FLNB: variants seen among roughly 807,000 people sequenced by gnomAD.
The protein encoded by FLNB is filamin B.
FLNB carries 111 observed loss-of-function variants against 250.6 expected under a neutral mutation model. The ratio of observed to expected loss-of-function variants is 0.44; its 90% CI spans 0.38 to 0.52. The LOEUF is 0.52. Ranked by LOEUF, FLNB falls within the 20% of genes least tolerant of loss-of-function variation. FLNB has a pLI of 0.00. For synonymous variants in FLNB, 1,302 were observed against 1,372.1 expected (o/e 0.95, Z 1.13); for missense variants, 2,869 against 3,447.8 (o/e 0.83, Z 4.20).
intron 1 of FLNB, among the ~76,000 whole-genome samples, chr3:58,014,747 G>A (rs1450162969): frequency 6.6e-6 from 1 of 151,550 alleles, no homozygotes; most frequent in African/African-American, 2.4e-5. Context: ...CTTTTTTTTT[G>A]AGATGGAGTC....
At chr3:58,086,309 G>A (rs1016313504) in intron 4 of FLNB, among the ~76,000 whole-genome samples, 3 of 151,900 alleles carry the variant, frequency 2.0e-5, no homozygotes, top group African/African-American at 7.3e-5. Flanking sequence ...GCTATTAGGT[G>A]TATGTTTAAA....
chr3:58,133,040 C>T lies in FLNB; in HGVS notation c.4514+109C>T, dbSNP rs562094598. On this transcript the variant is annotated intron_variant, in intron 26 of 45. Coordinates refer to ENST00000295956, the MANE Select transcript of FLNB (RefSeq NM_001457.4). ...CCGTTCCTCCATCATTCCATCCATCCACTCATCCATTCCTCCATCAGTCCA... is the reference window on the plus strand; with the variant it reads ...CCGTTCCTCCATCATTCCATCCATCTACTCATCCATTCCTCCATCAGTCCA... The T allele has an allele frequency of 1.8e-4, 221 of 1,245,340 alleles. 1 individual carries two copies. The highest frequency in any genetic ancestry group is 4.5e-5 in the African/African-American group (3 of 66,536). The allele number at this position is 1,245,340 out of a possible 1,614,324, so 77.1% of individuals were successfully genotyped here.
intron 38 of FLNB, chr3:58,152,758 C>A: frequency 7.5e-7 from 1 of 1,338,238 alleles, no homozygotes; most frequent in Non-Finnish European, 9.9e-7. Context: ...CTGGAGGGTG[C>A]AGTTTCATAC....
At chr3:58,147,058 C>T in intron 34 of FLNB, 65 bp downstream of exon 34, 2 of 1,511,412 alleles carry the variant, frequency 1.3e-6, no homozygotes, top group Admixed American at 3.4e-5. Flanking sequence ...CTGCCACCCT[C>T]CTTATCAGAC....
rs1576685486 is a variant in FLNB at position 58,082,775 on chromosome 3, A to G, written c.787+999A>G. ...GACAGAGTGCGTGAGCCTCCGTCTC[A>G]AAAAAAAAAAACGAGAAAGAAAATG... On this transcript the variant is annotated intron_variant, in intron 4 of 45. Transcript: ENST00000295956. Among the ~76,000 whole-genome samples, 3 of 46,788 alleles carry G rather than the reference A, an allele frequency of 6.4e-5. No individual in the cohort carries two copies. In the South Asian group the frequency reaches 3.5e-3, roughly 54 times the overall value. The allele number at this position is 46,788 out of a possible 152,430, so 30.7% of individuals were successfully genotyped here.
At position 58,109,706 on chromosome 3, in the gene FLNB, A is replaced by G; in HGVS notation, c.2323+7A>G. 6.2e-7 allele frequency: 1 copy of G among 1,614,078 alleles called. No individual in the cohort carries two copies. The highest frequency in any genetic ancestry group is 8.5e-7 in the Non-Finnish European group (1 of 1,180,012). ...TGTACTGAGGCTGGGGAAGGTGAGAAAGGGCTTTGTTCAACCCAGTGATCA... is the reference window on the plus strand; with the variant it reads ...TGTACTGAGGCTGGGGAAGGTGAGAGAGGGCTTTGTTCAACCCAGTGATCA... On this transcript the variant is annotated splice_region_variant and intron_variant, in intron 15 of 45. Coordinates refer to ENST00000295956, the MANE Select transcript of FLNB (RefSeq NM_001457.4).
In FLNB at chr3:58,153,639, C is replaced by T. The variant is rs2107289522; in HGVS notation, c.6632C>T (p.Pro2211Leu). Residue 2211 changes from proline (P) to leucine (L), a missense_variant and splice_region_variant, in exon 39 of 46, where the codon CCA becomes CTA. Transcript: ENST00000295956. Reference protein sequence around the residue: ...PGLERGEAGVPAEFSIWTREA... With the variant: ...PGLERGEAGVLAEFSIWTREA... ...CTGGAGAGAGGAGAAGCGGGAGTCC[C>T]AGGTGAGCATTGCGGGCAGGATTTT... The T allele has an allele frequency of 6.2e-7, 1 of 1,613,986 alleles. No individual in the cohort carries two copies. The highest frequency in any genetic ancestry group is 8.5e-7 in the Non-Finnish European group (1 of 1,179,980).
chr3:58,089,484 T>TGCAGTGAGCTGAGGTC (rs2097222664), intron 4 of FLNB, among the ~76,000 whole-genome samples: 1 of 148,224 alleles, frequency 6.7e-6, no homozygotes, highest in Non-Finnish European at 1.5e-5. Context: ...AGGTGGAGGT[T>TGCAGTGAGCTGAGGTC]GCAGTGAGCT....
At chr3:58,073,450 C>A (rs1376205411) in intron 1 of FLNB, among the ~76,000 whole-genome samples, 1 of 152,130 alleles carries the variant, frequency 6.6e-6, no homozygotes. Flanking sequence ...TTATGCAGAC[C>A]ATTGCTCCTT....
At chr3:58,103,922 G>T (rs994265776) in intron 9 of FLNB, 37 bp from the exon 10 acceptor site, 2 of 1,613,386 alleles carry the variant, frequency 1.2e-6, no homozygotes, top group African/African-American at 2.7e-5. Flanking sequence ...TTGGGCCTAG[G>T]ATTGTGTTGG....
chr3:58,136,805 G>A (rs970593114), intron 28 of FLNB, among the ~76,000 whole-genome samples: 55 of 132,366 alleles, frequency 4.2e-4, no homozygotes, highest in Non-Finnish European at 7.5e-4. Context: ...AGGCTGGAGT[G>A]CAGTGACGCA....
chr3:58,098,408 G>A (rs766722443), intron 7 of FLNB, among the ~76,000 whole-genome samples: 3 of 152,168 alleles, frequency 2.0e-5, no homozygotes, highest in Non-Finnish European at 4.4e-5. Context: ...TTGGCTCAAC[G>A]CAACCTCCGC....
chr3:58,140,853 C>T (rs1007986511), intron 29 of FLNB, among the ~76,000 whole-genome samples: 5 of 152,234 alleles, frequency 3.3e-5, no homozygotes, highest in African/African-American at 1.2e-4. Context: ...GATCCACCTG[C>T]CTTGGCCTCC....
intron 2 of FLNB, 75 bp downstream of exon 2, chr3:58,077,369 G>C: frequency 6.5e-7 from 1 of 1,532,938 alleles, no homozygotes. Context: ...GGTTTTCAAC[G>C]GGAATGCTAT....
chr3:58,132,774 G>A (rs754152210), intron 25 of FLNB, 34 bp from the exon 26 acceptor site: 9 of 1,614,004 alleles, frequency 5.6e-6, no homozygotes, highest in Middle Eastern at 1.7e-4. Context: ...GGTGAGGCCA[G>A]GCAGCTCCTT....
At chr3:58,035,937 C>T (rs1462877014) in intron 1 of FLNB, among the ~76,000 whole-genome samples, 1 of 152,134 alleles carries the variant, frequency 6.6e-6, no homozygotes, top group African/African-American at 2.4e-5. Flanking sequence ...CAAATGAGAC[C>T]ATCCTTCTCT....
At position 58,152,636 on chromosome 3, in the gene FLNB, G is replaced by C. The variant is rs139888044; in HGVS notation, c.6368-739G>C. 4.9e-6 allele frequency: 3 copies of C among 609,004 alleles called. No homozygotes were observed. The African/African-American group carries it at 5.7e-5, about 12-fold the overall frequency. 37.7% of individuals were successfully genotyped at this position (609,004 alleles called of 1,614,324 possible). A position where few individuals can be genotyped will look rare whatever the true frequency, so the allele number is the denominator to read the frequency against. On this transcript the variant is annotated intron_variant, in intron 38 of 45. Transcript: ENST00000295956. ...GTAGGGTTTCAATATTTGAATTTTG[G>C]AGGGACACAAACATTCAGTTCATTA...
chr3:58,081,559 C>T, intron 3 of FLNB, 70 bp from the exon 4 acceptor site: 2 of 1,417,584 alleles, frequency 1.4e-6, no homozygotes, highest in Non-Finnish European at 2.0e-6. Context: ...GTTTAAGAGG[C>T]ATTTGCAAAC....
intron 45 of FLNB, among the ~76,000 whole-genome samples, chr3:58,170,203 CAAG>C (rs1205802258): frequency 2.0e-5 from 3 of 152,160 alleles, no homozygotes; most frequent in African/African-American, 7.2e-5. Flanking sequence ...TGAGAGTAAA[CAAG>C]AAGATTCTCA....
Sources: gnomAD v4.1 joint callset for allele counts (sites outside exome capture counted in the v4.1 genomes callset) on GRCh38, gnomAD v4.1.1 for gene constraint, MANE v1.5 for transcripts, NCBI Gene and HGNC (gene_info 2026-07-23, HGNC 2026-07-21) for gene names.